The following SETBP1 variants were observed in gnomAD, a reference collection of about 807,000 sequenced individuals.
The protein encoded by SETBP1 is SET-binding protein.
SETBP1 carries 9 observed loss-of-function variants against 101.0 expected under a neutral mutation model. The observed-to-expected ratio is 0.09, with a 90% CI of 0.05 to 0.16. The LOEUF is 0.16. Among genes scored for constraint, SETBP1 ranks in the 10% least tolerant of loss-of-function variants. The pLI is 1.00. For synonymous variants in SETBP1, 818 were observed against 788.5 expected (o/e 1.04, Z -0.63); for missense variants, 1,858 against 2,033.8 (o/e 0.91, Z 1.66).
intron 2 of SETBP1, among the ~76,000 whole-genome samples, chr18:44,716,527 AACT>A (rs2069468150): frequency 6.6e-6 from 1 of 151,900 alleles, no homozygotes; most frequent in African/African-American, 2.4e-5. Flanking sequence ...GAAAAATGGG[AACT>A]GTGTATCAGA....
rs527749661 is a variant in SETBP1, at chr18:44,880,257, G to C, written c.540+10974G>C. Among the ~76,000 whole-genome samples, 6 of 152,320 alleles carry C rather than the reference G, an allele frequency of 3.9e-5. No individual in the cohort carries two copies. In the East Asian group the frequency reaches 1.2e-3, roughly 29 times the overall value. On this transcript the variant is annotated intron_variant, in intron 3 of 5. Transcript: ENST00000649279. ...GGGTTTTGGATTTAATGGGGCATTG[G>C]GGGAGTGAGAGGGCATCTGCAGAAA...
At chr18:44,945,444 G>GT (rs1221017403) in intron 3 of SETBP1, among the ~76,000 whole-genome samples, 8 of 152,194 alleles carry the variant, frequency 5.3e-5, no homozygotes, top group Non-Finnish European at 1.0e-4. Flanking sequence ...TCTGCCTAGT[G>GT]TTTTCAGAGT....
intron 4 of SETBP1, among the ~76,000 whole-genome samples, chr18:44,990,643 A>C (rs1248571320): frequency 6.6e-6 from 1 of 151,820 alleles, no homozygotes; most frequent in Non-Finnish European, 1.5e-5. Context: ...CCAAAAAAAA[A>C]CATACACACA....
At chr18:44,910,597 C>A (rs2070283476) in intron 3 of SETBP1, among the ~76,000 whole-genome samples, 1 of 152,198 alleles carries the variant, frequency 6.6e-6, no homozygotes, top group Non-Finnish European at 1.5e-5. Context: ...GGTCAGCATC[C>A]TGGGTCTCCA....
rs370056144 is a variant in SETBP1, at chr18:44,936,698, G to A, written c.541-13183G>A. ...GATGCCAGCCAACACAGAAAGGGAT[G>A]CCTGTCTCCTCTGCTTGCCAGAGCC... On this transcript the variant is annotated intron_variant, in intron 3 of 5. Coordinates refer to ENST00000649279, the MANE Select transcript of SETBP1 (RefSeq NM_015559.3). 4.6e-5 allele frequency among the ~76,000 whole-genome samples: 7 copies of A among 152,104 alleles called. No homozygotes were observed. In the East Asian group the frequency reaches 1.2e-3, roughly 25 times the overall value.
At chr18:44,690,516 T>C (rs545083963) in intron 1 of SETBP1, among the ~76,000 whole-genome samples, 1 of 152,360 alleles carries the variant, frequency 6.6e-6, no homozygotes, top group East Asian at 1.9e-4. Flanking sequence ...TTTATCCTCA[T>C]TGCCTCCAAG....
chr18:44,916,866 A>G (rs1190645776), intron 3 of SETBP1, among the ~76,000 whole-genome samples: 1 of 152,196 alleles, frequency 6.6e-6, no homozygotes, highest in African/African-American at 2.4e-5. Context: ...GTTGGGTGGT[A>G]TGAGGGATAA....
chr18:44,925,007 GTTTTTTTTTTTT>G (rs60718477), intron 3 of SETBP1, among the ~76,000 whole-genome samples: 26 of 45,988 alleles, frequency 5.7e-4, no homozygotes, highest in Non-Finnish European at 9.6e-4. Flanking sequence ...TCCTGTGTGA[GTTTTTTTTTTTT>G]TTTTTTTTTT....
intron 1 of SETBP1, among the ~76,000 whole-genome samples, chr18:44,684,499 G>A (rs1037194257): frequency 6.6e-6 from 1 of 151,586 alleles, no homozygotes; most frequent in Non-Finnish European, 1.5e-5. Flanking sequence ...GACTGTAATT[G>A]TAGATCACTG....
chr18:44,835,250 T>C (rs1159053962), intron 2 of SETBP1, among the ~76,000 whole-genome samples: 1 of 152,166 alleles, frequency 6.6e-6, no homozygotes, highest in Non-Finnish European at 1.5e-5. Flanking sequence ...GGAGGGGCTC[T>C]ACAGCTCTTG....
At chr18:44,698,183 C>A (rs117115937) in intron 1 of SETBP1, among the ~76,000 whole-genome samples, 2 of 152,236 alleles carry the variant, frequency 1.3e-5, no homozygotes, top group Non-Finnish European at 2.9e-5. Context: ...CTCACATTGC[C>A]CTGGTTTGGG....
In SETBP1 at chr18:44,861,229, C is replaced by CTTTTT. The variant is rs775284488; in HGVS notation, c.487-7978_487-7974dup. 6.6e-3 allele frequency among the ~76,000 whole-genome samples: 580 copies of CTTTTT among 88,322 alleles called. 2 individuals are homozygous for CTTTTT. Among genetic ancestry groups the CTTTTT allele is most frequent in the Non-Finnish European group, 9.3e-3 (425 of 45,710 alleles). 57.9% of individuals were successfully genotyped at this position (88,322 alleles called of 152,430 possible). On this transcript the variant is annotated intron_variant, in intron 2 of 5. Transcript: ENST00000649279. ...GTCTTGTGGATTTCCTTTTTCTTTT[C>CTTTTT]TTTTTTTTTTTTTTTTTTTTTTTTT...
chr18:44,884,574 G>T (rs1264255112), intron 3 of SETBP1, among the ~76,000 whole-genome samples: 2 of 152,116 alleles, frequency 1.3e-5, no homozygotes, highest in Non-Finnish European at 2.9e-5. Flanking sequence ...AACTGACTTT[G>T]GATTCAGAAG....
intron 2 of SETBP1, among the ~76,000 whole-genome samples, chr18:44,802,982 C>A (rs1047578585): frequency 6.6e-6 from 1 of 152,056 alleles, no homozygotes; most frequent in Non-Finnish European, 1.5e-5. Context: ...GTCATTTGGG[C>A]CTGGGTGTCC....
chr18:44,972,391 A>G (rs1365211948), intron 4 of SETBP1, among the ~76,000 whole-genome samples: 2 of 152,172 alleles, frequency 1.3e-5, no homozygotes, highest in Non-Finnish European at 2.9e-5. Flanking sequence ...ACTTTAAAGT[A>G]GTTTTTTCCA....
intron 2 of SETBP1, among the ~76,000 whole-genome samples, chr18:44,862,983 G>C (rs866301730): frequency 6.6e-6 from 1 of 152,140 alleles, no homozygotes; most frequent in Middle Eastern, 3.2e-3. Context: ...CTATGACAGA[G>C]GTTTGTTTGT....
chr18:44,742,170 G>A (rs185850985), intron 2 of SETBP1, among the ~76,000 whole-genome samples: 1 of 152,284 alleles, frequency 6.6e-6, no homozygotes, highest in Admixed American at 6.5e-5. Flanking sequence ...CATCTTGGGG[G>A]ATCAACCTTG....
At chr18:44,927,915 A>T (rs1847587528) in intron 3 of SETBP1, among the ~76,000 whole-genome samples, 2 of 152,134 alleles carry the variant, frequency 1.3e-5, no homozygotes, top group South Asian at 4.2e-4. Flanking sequence ...AACACTTCCA[A>T]TGTGTTCTGT....
intron 3 of SETBP1, among the ~76,000 whole-genome samples, chr18:44,901,668 A>C (rs1283647712): frequency 2.0e-5 from 3 of 152,224 alleles, no homozygotes; most frequent in African/African-American, 7.2e-5. Flanking sequence ...CTAGAATCCA[A>C]CCTTTCCTGT....
Sources: gnomAD v4.1 joint callset for allele counts (sites outside exome capture counted in the v4.1 genomes callset) on GRCh38, gnomAD v4.1.1 for gene constraint, MANE v1.5 for transcripts, NCBI Gene and HGNC (gene_info 2026-07-23, HGNC 2026-07-21) for gene names.